SH3BGRL: variants seen among roughly 807,000 people sequenced by gnomAD.
The protein encoded by SH3BGRL is SH3 domain binding glutamate rich protein like.
A neutral mutation model predicts 9.8 loss-of-function variants in SH3BGRL; 7 were observed. The ratio of observed to expected loss-of-function variants is 0.72; its 90% confidence interval spans 0.41 to 1.35. SH3BGRL has a LOEUF of 1.35. Among genes scored for constraint, SH3BGRL ranks in the 40% most tolerant of loss-of-function variants. The pLI, the probability that SH3BGRL is intolerant of heterozygous loss-of-function variation, is 0.01. For missense variants in SH3BGRL, 73 were observed against 84.4 expected (o/e 0.86, Z 0.53); for synonymous variants, 36 against 29.1 (o/e 1.24, Z -0.76).
chrX:81,250,793 C>T (rs1031426153), intron 1 of SH3BGRL, among the ~76,000 whole-genome samples: 2 of 111,969 alleles, frequency 1.8e-5, no homozygotes, highest in African/African-American at 6.5e-5. Context: ...TCATGAGCCA[C>T]GTTTTCCTTC....
At chrX:81,264,158 G>T (rs1011092108) in intron 1 of SH3BGRL, among the ~76,000 whole-genome samples, 3 of 110,543 alleles carry the variant, frequency 2.7e-5, no homozygotes, top group African/African-American at 9.9e-5. Context: ...CTCAACCTTT[G>T]GTGTCTTACT....
At chrX:81,292,727 G>A (rs964904495) in intron 3 of SH3BGRL, among the ~76,000 whole-genome samples, 1 of 111,403 alleles carries the variant, frequency 9.0e-6, no homozygotes, top group Non-Finnish European at 1.9e-5. Flanking sequence ...CCATTTCTTT[G>A]TGAATGTATA....
At position 81,298,056 on chromosome X, in the gene SH3BGRL, G is replaced by T. The variant is rs1431134650; in HGVS notation, c.*829G>T. ...TAAATAACTCTTATAAAACAGGTTG[G>T]CGATCATTTCCCAAGATTGGTTTCC... is the stretch of plus-strand genomic sequence containing the variant. On this transcript the variant is annotated 3_prime_UTR_variant, in exon 4 of 4. Transcript: ENST00000373212. 9.0e-6 allele frequency: 1 copy of T among 111,719 alleles called. No homozygotes were observed. Among genetic ancestry groups the T allele is most frequent in the Non-Finnish European group, 1.9e-5 (1 of 52,859 alleles). The allele number at this position is 111,719 out of a possible 1,213,427, so 9.2% of individuals were successfully genotyped here. A position where few individuals can be genotyped will look rare whatever the true frequency, so the allele number is the denominator to read the frequency against.
At chrX:81,237,194 A>C (rs767122843) in intron 1 of SH3BGRL, 1 of 401,117 alleles carries the variant, frequency 2.5e-6, no homozygotes, top group South Asian at 2.5e-5. Context: ...TTTAACAACT[A>C]TCTACATGCA....
intron 1 of SH3BGRL, among the ~76,000 whole-genome samples, chrX:81,229,899 A>G (rs2075627909): frequency 1.8e-5 from 2 of 111,944 alleles, no homozygotes; most frequent in Non-Finnish European, 3.8e-5. Flanking sequence ...AGGCCCAGGG[A>G]TAGAGCCCTA....
At chrX:81,232,574 C>T in intron 1 of SH3BGRL, among the ~76,000 whole-genome samples, 1 of 110,756 alleles carries the variant, frequency 9.0e-6, no homozygotes, top group Non-Finnish European at 1.9e-5. Flanking sequence ...ACATGCCTAT[C>T]CTGCTCTCCT....
chrX:81,277,577 C>A (rs980837064), intron 2 of SH3BGRL, among the ~76,000 whole-genome samples: 1 of 112,101 alleles, frequency 8.9e-6, no homozygotes, highest in Non-Finnish European at 1.9e-5. Flanking sequence ...AACTATTCTT[C>A]TGGCCTTGGG....
At chrX:81,211,627 C>T (rs189066986) in intron 1 of SH3BGRL, among the ~76,000 whole-genome samples, 201 of 111,184 alleles carry the variant, frequency 1.8e-3, no homozygotes, top group African/African-American at 6.3e-3. Context: ...GGCAGATCCA[C>T]CCTAAATCTG....
intron 1 of SH3BGRL, among the ~76,000 whole-genome samples, chrX:81,257,439 G>A (rs747801462): frequency 9.0e-6 from 1 of 111,671 alleles, no homozygotes; most frequent in Admixed American, 9.5e-5. Context: ...TATGGGTCAG[G>A]AGTCCTGGCA....
intron 3 of SH3BGRL, among the ~76,000 whole-genome samples, chrX:81,291,020 T>C (rs1320265489): frequency 8.9e-6 from 1 of 112,069 alleles, no homozygotes; most frequent in African/African-American, 3.2e-5. Flanking sequence ...TAGTATAAAT[T>C]ATTTTTTGAG....
At chrX:81,204,085 G>T (rs2075538409) in intron 1 of SH3BGRL, among the ~76,000 whole-genome samples, 1 of 111,124 alleles carries the variant, frequency 9.0e-6, no homozygotes, top group South Asian at 3.8e-4. Context: ...TCCCATCTTT[G>T]TTGGACTTTA....
At chrX:81,267,664 T>G (rs1339818380) in intron 1 of SH3BGRL, among the ~76,000 whole-genome samples, 2 of 111,720 alleles carry the variant, frequency 1.8e-5, no homozygotes, top group East Asian at 5.6e-4. Context: ...TGGCCTAAAA[T>G]TCTCTTTTTT....
intron 1 of SH3BGRL, among the ~76,000 whole-genome samples, chrX:81,211,330 A>G (rs1250733453): frequency 1.8e-5 from 2 of 111,607 alleles, no homozygotes; most frequent in African/African-American, 6.5e-5. Flanking sequence ...CACGCCTGTA[A>G]TCTCAGCACT....
chrX:81,242,323 T>A (rs1262095458), intron 1 of SH3BGRL, among the ~76,000 whole-genome samples: 1 of 111,062 alleles, frequency 9.0e-6, no homozygotes, highest in Non-Finnish European at 1.9e-5. Context: ...GAAAAGAGAG[T>A]CACTTCGATT....
intron 1 of SH3BGRL, among the ~76,000 whole-genome samples, chrX:81,243,370 A>G (rs767402542): frequency 5.4e-4 from 61 of 112,084 alleles, no homozygotes; most frequent in Middle Eastern, 4.6e-3. Flanking sequence ...AAGTAGAAAT[A>G]TGGTTACCAG....
chrX:81,252,902 A>T (rs2075715049), intron 1 of SH3BGRL, among the ~76,000 whole-genome samples: 1 of 73,674 alleles, frequency 1.4e-5, no homozygotes, highest in African/African-American at 4.9e-5. Context: ...AAATTAAAAC[A>T]AACAAGAGAA....
chrX:81,218,802 TATAG>T (rs2075590414), intron 1 of SH3BGRL, among the ~76,000 whole-genome samples: 2 of 105,525 alleles, frequency 1.9e-5, no homozygotes, highest in Non-Finnish European at 3.9e-5. Flanking sequence ...TATATATAGA[TATAG>T]ATATAGATAT....
intron 3 of SH3BGRL, among the ~76,000 whole-genome samples, chrX:81,291,063 T>C (rs1228574368): frequency 2.7e-5 from 3 of 111,946 alleles, no homozygotes; most frequent in South Asian, 7.4e-4. Context: ...GCTTGTTCTA[T>C]AAAATGAAGC....
intron 1 of SH3BGRL, among the ~76,000 whole-genome samples, chrX:81,246,745 C>T (rs1017352495): frequency 1.8e-5 from 2 of 110,728 alleles, no homozygotes; most frequent in Non-Finnish European, 3.8e-5. Context: ...GATAATGCGA[C>T]GCTTCTGGCT....
Sources: allele counts gnomAD v4.1 joint callset (sites outside exome capture counted in the v4.1 genomes callset), GRCh38; gene constraint gnomAD v4.1.1; transcripts MANE v1.5; gene names NCBI Gene and HGNC (gene_info 2026-07-23, HGNC 2026-07-21).